The following MUC17 variants were observed in gnomAD, a reference collection of about 807,000 sequenced individuals.
MUC17 encodes mucin 17, cell surface associated.
A neutral mutation model predicts 170.3 loss-of-function variants in MUC17; 190 were observed. The ratio of observed to expected loss-of-function variants is 1.12; its 90% CI spans 0.99 to 1.26. The LOEUF (loss-of-function observed/expected upper bound fraction) is 1.26, where lower values mean the gene tolerates loss of function less well. Ranked by LOEUF, MUC17 falls within the 50% of genes most tolerant of loss-of-function variation. MUC17 has a pLI of 0.00. For missense variants in MUC17, 6,415 were observed against 5,530.0 expected (o/e 1.16, Z -5.08); for synonymous variants, 2,325 against 2,002.5 (o/e 1.16, Z -4.30).
intron 3 of MUC17, among the ~76,000 whole-genome samples, chr7:101,045,830 T>C (rs2116465133): frequency 6.6e-6 from 1 of 152,320 alleles, no homozygotes; most frequent in Non-Finnish European, 1.5e-5. Context: ...GGAAGCCTCG[T>C]AGGTGTCTCA....
chr7:101,032,643 G>C lies in MUC17; in HGVS notation c.1227G>C (p.Glu409Asp). Residue 409 changes from glutamate (E) to aspartate (D), a missense_variant, in exon 3 of 13, where the codon GAG (glutamate) becomes GAC (aspartate). By Grantham distance (45) the Glu-to-Asp change is conservative. Coordinates refer to ENST00000306151, the MANE Select transcript of MUC17 (RefSeq NM_001040105.2). Reference protein sequence around the residue: ...PVSTILVASSEASTTSTIPVD... With the variant: ...PVSTILVASSDASTTSTIPVD... Reference sequence around the variant, plus strand: ...GCACCATATTGGTGGCCAGTTCTGAGGCTAGCACCACTTCAACAATTCCTG... The same window carrying C: ...GCACCATATTGGTGGCCAGTTCTGACGCTAGCACCACTTCAACAATTCCTG... 6.2e-7 allele frequency: 1 copy of C among 1,613,146 alleles called. No individual in the cohort carries two copies. Among genetic ancestry groups the C allele is most frequent in the Non-Finnish European group, 8.5e-7 (1 of 1,179,536 alleles).
chr7:101,035,317 A>C lies in MUC17; in HGVS notation c.3901A>C (p.Thr1301Pro), dbSNP rs377002828. 158 of 1,609,336 alleles carry C rather than the reference A, an allele frequency of 9.8e-5. No homozygotes were observed. The highest frequency in any genetic ancestry group is 1.3e-4 in the Non-Finnish European group (150 of 1,177,514). Reference sequence around the variant, plus strand: ...TCCTGAGGCTAGCACCCTTTTAACAACTCCTGTTGACACTAAAGGTCCTGT... The same window carrying C: ...TCCTGAGGCTAGCACCCTTTTAACACCTCCTGTTGACACTAAAGGTCCTGT... ...TSPEASTLLT[T>P]PVDTKGPVVT... The change falls in exon 3 of 13, where the codon ACT becomes CCT. Residue 1301 changes from threonine (T) to proline (P), a missense_variant. Thr to Pro is a conservative substitution (Grantham distance 38). Transcript: ENST00000306151.
At position 101,053,356 on chromosome 7, in the gene MUC17, C is replaced by CT. The variant is rs773200583; in HGVS notation, c.13284dup (p.Gln4429SerfsTer23). ...ATCACTAGGCAAAAGTACAGATTGT[C>CT]TCAGTTATACAAGTGGCAAGAAGAG... On this transcript the variant is annotated frameshift_variant, in exon 11 of 13. Transcript: ENST00000306151. LOFTEE classifies it high-confidence loss of function. The CT allele has an allele frequency of 5.1e-5, 82 of 1,613,964 alleles. No individual in the cohort carries two copies. The highest frequency in any genetic ancestry group is 6.7e-5 in the Non-Finnish European group (79 of 1,179,994).
intron 7 of MUC17, 90 bp from the exon 8 acceptor site, chr7:101,051,523 C>T (rs1794943546): frequency 1.5e-6 from 2 of 1,320,726 alleles, no homozygotes; most frequent in Non-Finnish European, 2.1e-6. Context: ...TCGCAGCCCA[C>T]CCCCTTCTCA....
intron 2 of MUC17, 65 bp from the exon 3 acceptor site, chr7:101,031,536 C>T (rs1794278674): frequency 1.4e-6 from 2 of 1,456,854 alleles, no homozygotes; most frequent in South Asian, 3.0e-5. Flanking sequence ...CCAACTACAA[C>T]AATCACTCCT....
rs933671821 is a variant in MUC17 at position 101,043,145 on chromosome 7, C to T, written c.11729C>T (p.Thr3910Ile). 4.3e-6 allele frequency: 7 copies of T among 1,614,174 alleles called. No homozygotes were observed. Among genetic ancestry groups the T allele is most frequent in the Non-Finnish European group, 5.9e-6 (7 of 1,180,024 alleles). The change falls in exon 3 of 13, where the codon ACT becomes ATT. Residue 3910 changes from threonine to isoleucine, a missense_variant. Transcript: ENST00000306151. ...LDTSTTFTPS[T>I]DTASTPTIPV... ...ACAAGCACAACTTTTACCCCTTCTA[C>T]TGACACTGCCTCAACTCCCACAATT...
At chr7:101,030,923 C>T (rs1794267626) in intron 1 of MUC17, among the ~76,000 whole-genome samples, 197 bp from the exon 2 acceptor site, 1 of 152,194 alleles carries the variant, frequency 6.6e-6, no homozygotes, top group South Asian at 2.1e-4. Context: ...CTCCTCCAGG[C>T]TGGGGAGCAA....
rs745736940 is a variant in MUC17 at position 101,033,547 on chromosome 7, A to G, written c.2131A>G (p.Thr711Ala). 6.2e-7 allele frequency: 1 copy of G among 1,613,822 alleles called. No individual in the cohort carries two copies. Among genetic ancestry groups the G allele is most frequent in the East Asian group, 2.2e-5 (1 of 44,852 alleles). Residue 711 changes from threonine (T) to alanine (A), a missense_variant, in exon 3 of 13, where the codon ACT (threonine) becomes GCT (alanine). Transcript: ENST00000306151. ...TTCTGAGGCTAGCACCCTTTCAACAACTCCTGTTGACACCAGCACACCTGT... is the reference window on the plus strand; with the variant it reads ...TTCTGAGGCTAGCACCCTTTCAACAGCTCCTGTTGACACCAGCACACCTGT... ...ASSEASTLST[T>A]PVDTSTPVTT...
At chr7:101,053,636 G>T (rs1339932460) in intron 11 of MUC17, 200 bp downstream of exon 11, 1 of 464,958 alleles carries the variant, frequency 2.2e-6, no homozygotes, top group Non-Finnish European at 3.8e-6. Flanking sequence ...AAATAAAAAA[G>T]GGAGGCTGAG....
At chr7:101,027,338 C>T (rs1794199288) in intron 1 of MUC17, among the ~76,000 whole-genome samples, 1 of 152,110 alleles carries the variant, frequency 6.6e-6, no homozygotes, top group South Asian at 2.1e-4. Flanking sequence ...CTCGCTATTG[C>T]TCAGGCTGGT....
rs1481124054 is a variant in MUC17, at chr7:101,048,937, G to A, written c.12628G>A (p.Glu4210Lys). The A allele has an allele frequency of 1.2e-6, 2 of 1,613,932 alleles. No homozygotes were observed. The highest frequency in any genetic ancestry group is 2.7e-5 in the African/African-American group (2 of 74,920). ...AGAGCTAAAAAACCACTCTTCCCAG[G>A]AATTCCAGGAGTTCAAACAGACATT... is the stretch of plus-strand genomic sequence containing the variant. ...TEELKNHSSQ[E>K]FQEFKQTFTE... Residue 4210 changes from glutamate to lysine, a missense_variant, in exon 5 of 13, where the codon GAA (glutamate) becomes AAA (lysine). Physicochemically the swap from Glu to Lys is moderately conservative, Grantham distance 56. Transcript: ENST00000306151.
intron 2 of MUC17, 118 bp from the exon 3 acceptor site, chr7:101,031,483 A>C (rs1257395838): frequency 8.6e-7 from 1 of 1,166,374 alleles, no homozygotes; most frequent in Non-Finnish European, 1.2e-6. Flanking sequence ...TCTTCCTGAA[A>C]ACGGATGACA....
chr7:101,051,364 CAAAAAAAAAAA>C (rs398005597), intron 7 of MUC17, among the ~76,000 whole-genome samples: 1,349 of 52,226 alleles, frequency 0.026, 25 homozygotes, highest in African/African-American at 0.038. Flanking sequence ...TACTCCATCT[CAAAAAAAAAAA>C]AAAAAAAAAA....
chr7:101,020,836 G>A (rs894664124), intron 1 of MUC17, among the ~76,000 whole-genome samples: 2 of 152,128 alleles, frequency 1.3e-5, no homozygotes, highest in Admixed American at 6.5e-5. Flanking sequence ...CAGCTCAGCC[G>A]CTTTGGGCTT....
chr7:101,058,134 CTCA>C lies in MUC17; in HGVS notation c.*91_*93del. On this transcript the variant is annotated 3_prime_UTR_variant, in exon 13 of 13. Coordinates refer to ENST00000306151, the MANE Select transcript of MUC17 (RefSeq NM_001040105.2). ...TCCCATTGAGAGCCTTCCATGGGAA[CTCA>C]ATGTTCCCATTGTAAGTACAGGAAA... 8.6e-7 allele frequency: 1 copy of C among 1,158,254 alleles called. No homozygotes were observed. The highest frequency in any genetic ancestry group is 1.3e-6 in the Non-Finnish European group (1 of 770,230). The allele number at this position is 1,158,254 out of a possible 1,614,324, so 71.7% of individuals were successfully genotyped here.
chr7:101,055,613 C>T (rs757045184), intron 11 of MUC17, among the ~76,000 whole-genome samples: 2 of 152,068 alleles, frequency 1.3e-5, no homozygotes, highest in Non-Finnish European at 2.9e-5. Context: ...TAGTAATTGA[C>T]AAAAGTCAGT....
In MUC17 at chr7:101,036,087, T is replaced by C; in HGVS notation, c.4671T>C (p.Thr1557=). 6.2e-7 allele frequency: 1 copy of C among 1,612,232 alleles called. No individual in the cohort carries two copies. The highest frequency in any genetic ancestry group is 8.5e-7 in the Non-Finnish European group (1 of 1,178,762). ...CTCAAGCCAGTTCATCTCCTACAACTGCTGACGGTACCAGCATGCAAACCT... is the reference window on the plus strand; with the variant it reads ...CTCAAGCCAGTTCATCTCCTACAACCGCTGACGGTACCAGCATGCAAACCT... ...TYSQASSSPT[T]ADGTSMQTST... The change falls in exon 3 of 13, where the codon ACT becomes ACC. Residue 1557 remains threonine (T), a synonymous_variant. Transcript: ENST00000306151.
chr7:101,037,629 C>T lies in MUC17; in HGVS notation c.6213C>T (p.Ser2071=). 6.2e-7 allele frequency: 1 copy of T among 1,613,784 alleles called. No homozygotes were observed. Among genetic ancestry groups the T allele is most frequent in the Non-Finnish European group, 8.5e-7 (1 of 1,179,850 alleles). ...GNTLSTTPVD[S]KTQVTNSTEA... is the part of the protein sequence containing the mutation. ...CCCTTTCAACAACTCCTGTTGACTC[C>T]AAAACTCAGGTGACCAATTCTACTG... The change falls in exon 3 of 13, where the codon TCC becomes TCT. Residue 2071 remains serine, a synonymous_variant. Coordinates refer to ENST00000306151, the MANE Select transcript of MUC17 (RefSeq NM_001040105.2).
At position 101,037,199 on chromosome 7, in the gene MUC17, T is replaced by G; in HGVS notation, c.5783T>G (p.Leu1928Ter). The change falls in exon 3 of 13, where the codon TTA becomes TGA. Residue 1928 changes from leucine (L) to a stop codon, truncating the protein, a stop_gained. Coordinates refer to ENST00000306151, the MANE Select transcript of MUC17 (RefSeq NM_001040105.2). LOFTEE classifies it high-confidence loss of function. Reference sequence around the variant, plus strand: ...ACTCCTAGGGAAGGAAGGCCTCCATTAACAAGTATACCTGTCAGCACCACA... The same window carrying G: ...ACTCCTAGGGAAGGAAGGCCTCCATGAACAAGTATACCTGTCAGCACCACA... Reference protein sequence around the residue: ...TSTPREGRPPLTSIPVSTTTV... With the variant: ...TSTPREGRPP The G allele has an allele frequency of 6.2e-7, 1 of 1,613,454 alleles. No individual in the cohort carries two copies. Among genetic ancestry groups the G allele is most frequent in the South Asian group, 1.1e-5 (1 of 90,980 alleles).
Sources: gnomAD v4.1 joint callset for allele counts (sites outside exome capture counted in the v4.1 genomes callset) on GRCh38, gnomAD v4.1.1 for gene constraint, MANE v1.5 for transcripts, NCBI Gene and HGNC (gene_info 2026-07-23, HGNC 2026-07-21) for gene names.